The following RPH3A variants were observed in gnomAD, a reference collection of about 807,000 sequenced individuals.
RPH3A encodes the protein rabphilin 3A, also known as rabphilin-3A.
A neutral mutation model predicts 102.2 loss-of-function variants in RPH3A; 48 were observed. The observed-to-expected ratio is 0.47, with a 90% CI of 0.37 to 0.60. The LOEUF is 0.60. Among genes scored for constraint, RPH3A ranks in the 20% least tolerant of loss-of-function variants. RPH3A has a pLI of 0.00. For synonymous variants in RPH3A, 310 were observed against 324.3 expected (o/e 0.96, Z 0.47); for missense variants, 781 against 910.1 (o/e 0.86, Z 1.83).
chr12:112,775,993 G>A (rs541382611), intron 1 of RPH3A, among the ~76,000 whole-genome samples: 86 of 152,108 alleles, frequency 5.7e-4, no homozygotes, highest in African/African-American at 2.0e-3. Flanking sequence ...AGGGAGAAAT[G>A]AAAGGAAAGA....
At chr12:112,872,711 G>C (rs546790048) in intron 10 of RPH3A, among the ~76,000 whole-genome samples, 2 of 152,238 alleles carry the variant, frequency 1.3e-5, no homozygotes, top group South Asian at 4.1e-4. Context: ...GATTCATTTT[G>C]AGTTAATTTC....
intron 5 of RPH3A, 70 bp downstream of exon 5, chr12:112,847,912 C>T: frequency 6.4e-7 from 1 of 1,556,160 alleles, no homozygotes; most frequent in Non-Finnish European, 8.7e-7. Context: ...TGGAGCAGGG[C>T]TTTGGCCTCA....
chr12:112,625,873 G>A (rs1210957755), intron 1 of RPH3A, among the ~76,000 whole-genome samples: 1 of 92,006 alleles, frequency 1.1e-5, no homozygotes, highest in African/African-American at 4.9e-5. Context: ...TAGATCAATG[G>A]AACAGAACAG....
intron 1 of RPH3A, among the ~76,000 whole-genome samples, chr12:112,717,605 A>G (rs933533729): frequency 2.6e-5 from 4 of 151,720 alleles, no homozygotes; most frequent in African/African-American, 9.7e-5. Flanking sequence ...GTAGTATTCC[A>G]TTGTGGTTTG....
Position 112,705,050 on chromosome 12 carries a change from G to A in RPH3A, c.-139-87093G>A, listed in dbSNP as rs113496371. 4.6e-5 allele frequency among the ~76,000 whole-genome samples: 7 copies of A among 152,338 alleles called. 2 individuals are homozygous for A. Among genetic ancestry groups the A allele is most frequent in the African/African-American group, 1.4e-4 (6 of 41,580 alleles). ...GTTCAATCTGGTATGGAGGCTCTAT[G>A]TGGTGAAACTATCTTTTCATTTCTG... On this transcript the variant is annotated intron_variant, in intron 1 of 21. Transcript: ENST00000543106.
intron 4 of RPH3A, among the ~76,000 whole-genome samples, chr12:112,846,953 G>A (rs116612353): frequency 0.046 from 7,026 of 152,198 alleles, 554 homozygotes; most frequent in African/African-American, 0.16. Context: ...TTGAGCAAGT[G>A]CTCTAATTTC....
intron 1 of RPH3A, among the ~76,000 whole-genome samples, chr12:112,621,393 T>C (rs1308153655): frequency 1.3e-5 from 2 of 149,864 alleles, no homozygotes; most frequent in Non-Finnish European, 3.0e-5. Context: ...TTGCCTCACC[T>C]GGGAAGCGCA....
At chr12:112,595,743 C>A (rs2039511775) in intron 1 of RPH3A, among the ~76,000 whole-genome samples, 1 of 152,164 alleles carries the variant, frequency 6.6e-6, no homozygotes, top group Non-Finnish European at 1.5e-5. Context: ...ATGATTATTT[C>A]CATACTCTTA....
chr12:112,733,515 C>T (rs1442326309), intron 1 of RPH3A, among the ~76,000 whole-genome samples: 1 of 152,114 alleles, frequency 6.6e-6, no homozygotes, highest in Non-Finnish European at 1.5e-5. Flanking sequence ...TGTTGGCCCA[C>T]CCAACAGGGA....
intron 1 of RPH3A, among the ~76,000 whole-genome samples, chr12:112,657,107 T>C (rs1444901942): frequency 6.6e-6 from 1 of 152,194 alleles, no homozygotes; most frequent in East Asian, 1.9e-4. Context: ...ACACATACTG[T>C]TTTTTGACTT....
At chr12:112,609,299 C>T (rs898282208) in intron 1 of RPH3A, among the ~76,000 whole-genome samples, 1 of 152,170 alleles carries the variant, frequency 6.6e-6, no homozygotes, top group Non-Finnish European at 1.5e-5. Flanking sequence ...AATGCCTGGC[C>T]TCAAGTGATC....
At chr12:112,768,952 C>T (rs2040910297) in intron 1 of RPH3A, among the ~76,000 whole-genome samples, 1 of 152,094 alleles carries the variant, frequency 6.6e-6, no homozygotes, top group East Asian at 1.9e-4. Context: ...AAAAAACCTT[C>T]CTACTCTAGT....
At chr12:112,747,767 C>T (rs1323465873) in intron 1 of RPH3A, among the ~76,000 whole-genome samples, 4 of 152,140 alleles carry the variant, frequency 2.6e-5, no homozygotes, top group East Asian at 3.8e-4. Context: ...AACAATGATC[C>T]GAAGGCATCA....
At chr12:112,618,120 T>A (rs2039695532) in intron 1 of RPH3A, among the ~76,000 whole-genome samples, 1 of 152,198 alleles carries the variant, frequency 6.6e-6, no homozygotes, top group Non-Finnish European at 1.5e-5. Context: ...TGTCTCCGAA[T>A]TCTTGCAGAA....
At chr12:112,854,012 G>A (rs2042369134) in intron 5 of RPH3A, among the ~76,000 whole-genome samples, 1 of 152,198 alleles carries the variant, frequency 6.6e-6, no homozygotes, top group Non-Finnish European at 1.5e-5. Flanking sequence ...GACCTCATCT[G>A]TAAAATGGGA....
chr12:112,811,681 G>T (rs1418520143), intron 2 of RPH3A, among the ~76,000 whole-genome samples: 3 of 152,148 alleles, frequency 2.0e-5, no homozygotes, highest in Non-Finnish European at 4.4e-5. Flanking sequence ...ACCATGAAAG[G>T]GTCACGGGTA....
intron 1 of RPH3A, among the ~76,000 whole-genome samples, chr12:112,667,666 GAGAGAGAGAGA>G (rs1447152720): frequency 3.5e-3 from 27 of 7,652 alleles, no homozygotes; most frequent in African/African-American, 0.021. Context: ...TGAATAAAGA[GAGAGAGAGAGA>G]GAGAGAGAGA....
intron 1 of RPH3A, among the ~76,000 whole-genome samples, chr12:112,717,049 A>G (rs1200464809): frequency 6.6e-6 from 1 of 152,218 alleles, no homozygotes; most frequent in South Asian, 2.1e-4. Context: ...TTTAATTCTT[A>G]TAACGGCCTA....
At position 112,678,313 on chromosome 12, in the gene RPH3A, GAGAGAA is replaced by G. The variant is rs1160138848; in HGVS notation, c.-140+102998_-140+103003del. ...AGAAAGAAAGAAAGAAAGAGAGAGA[GAGAGAA>G]AGAAAGAAAGAAGGAAGGAAGGAAG... On this transcript the variant is annotated intron_variant, in intron 1 of 21. Coordinates refer to the RPH3A transcript ENST00000543106. 1.2e-3 allele frequency among the ~76,000 whole-genome samples: 154 copies of G among 123,602 alleles called. 6 individuals are homozygous for G. The highest frequency in any genetic ancestry group is 4.4e-3 in the African/African-American group (139 of 31,290). 81.1% of individuals were successfully genotyped at this position (123,602 alleles called of 152,430 possible).
Sources: allele counts gnomAD v4.1 joint callset (sites outside exome capture counted in the v4.1 genomes callset), GRCh38; gene constraint gnomAD v4.1.1; transcripts MANE v1.5; gene names NCBI Gene and HGNC (gene_info 2026-07-23, HGNC 2026-07-21).